CDH23: variants seen among roughly 807,000 people sequenced by gnomAD.
The protein encoded by CDH23 is cadherin-23.
Under a neutral mutation model 317.1 loss-of-function variants are expected in CDH23, and 189 were observed. The ratio of observed to expected loss-of-function variants is 0.60; its 90% CI spans 0.53 to 0.67. The LOEUF (loss-of-function observed/expected upper bound fraction) is 0.67, where lower values mean the gene tolerates loss of function less well. Among genes scored for constraint, CDH23 ranks in the 30% least tolerant of loss-of-function variants. The pLI is 0.00. For missense variants in CDH23, 4,401 were observed against 4,592.4 expected (o/e 0.96, Z 1.20); for synonymous variants, 1,839 against 1,876.8 (o/e 0.98, Z 0.52).
At chr10:71,580,550 A>T (rs1858550060) in intron 9 of CDH23, among the ~76,000 whole-genome samples, 1 of 152,246 alleles carries the variant, frequency 6.6e-6, no homozygotes, top group African/African-American at 2.4e-5. Context: ...CTGCCTGCAG[A>T]GGATCATGGA....
chr10:71,611,612 A>G (rs1045252134), intron 9 of CDH23, among the ~76,000 whole-genome samples: 4 of 152,136 alleles, frequency 2.6e-5, no homozygotes, highest in African/African-American at 9.7e-5. Flanking sequence ...CCCCCCTTTT[A>G]CAGACCAAGC....
chr10:71,803,815 CAA>C (rs59916449), intron 55 of CDH23, among the ~76,000 whole-genome samples: 17,540 of 71,176 alleles, frequency 0.25, 1,389 homozygotes, highest in African/African-American at 0.33. Context: ...ACTAAAAATG[CAA>C]AAAAAAAAAA....
chr10:71,587,924 G>T (rs771458976), intron 9 of CDH23, among the ~76,000 whole-genome samples: 1 of 152,220 alleles, frequency 6.6e-6, no homozygotes, highest in African/African-American at 2.4e-5. Flanking sequence ...AGCATAAGGC[G>T]CTGTCTTAGG....
chr10:71,426,511 G>C (rs1849085508), intron 1 of CDH23, among the ~76,000 whole-genome samples: 1 of 152,204 alleles, frequency 6.6e-6, no homozygotes, highest in South Asian at 2.1e-4. Context: ...GGCAGGAGGG[G>C]GCTAGGTGAG....
chr10:71,497,247 A>G (rs1853026223), intron 3 of CDH23, among the ~76,000 whole-genome samples: 1 of 152,202 alleles, frequency 6.6e-6, no homozygotes, highest in South Asian at 2.1e-4. Context: ...GTCATTTTTC[A>G]ACATTTCCTT....
chr10:71,407,290 C>T (rs1242460071), intron 1 of CDH23, among the ~76,000 whole-genome samples: 1 of 152,190 alleles, frequency 6.6e-6, no homozygotes, highest in East Asian at 1.9e-4. Flanking sequence ...CTGGGACACC[C>T]CCTTTCTATC....
At chr10:71,762,497 G>T (rs1840421248) in intron 38 of CDH23, among the ~76,000 whole-genome samples, 1 of 152,268 alleles carries the variant, frequency 6.6e-6, no homozygotes, top group African/African-American at 2.4e-5. Context: ...GCACCTGCGT[G>T]TGCAAGGCCT....
intron 8 of CDH23, among the ~76,000 whole-genome samples, chr10:71,576,986 G>A (rs1382439059): frequency 1.3e-5 from 2 of 152,136 alleles, no homozygotes; most frequent in Admixed American, 6.5e-5. Context: ...TCTGCCCAGA[G>A]CACCTTCCTC....
intron 6 of CDH23, among the ~76,000 whole-genome samples, chr10:71,541,047 G>A (rs1855961107): frequency 1.3e-5 from 2 of 151,980 alleles, no homozygotes; most frequent in Admixed American, 6.6e-5. Context: ...CAAGCCCAGC[G>A]TCCCTTGCAC....
At chr10:71,525,371 T>A (rs73285658) in intron 6 of CDH23, among the ~76,000 whole-genome samples, 1 of 152,198 alleles carries the variant, frequency 6.6e-6, no homozygotes, top group Non-Finnish European at 1.5e-5. Flanking sequence ...GTGGGACATG[T>A]GTTCTAAAGT....
Position 71,793,423 on chromosome 10 carries a change from T to A in CDH23, c.6495T>A (p.Asp2165Glu). The change falls in exon 48 of 70, where the codon GAT (aspartate) becomes GAA (glutamate). Residue 2165 changes from aspartate to glutamate, a missense_variant. Coordinates refer to ENST00000224721, the MANE Select transcript of CDH23 (RefSeq NM_022124.6). ...CAGCCATTGTCACCATTCTGATCGA[T>A]GACATCAATGACTCCCGCCCCGAGT... ...SGTAIVTILI[D>E]DINDSRPEFL... 1 of 1,613,944 alleles carries A rather than the reference T, an allele frequency of 6.2e-7. No individual in the cohort carries two copies. Among genetic ancestry groups the A allele is most frequent in the African/African-American group, 1.3e-5 (1 of 75,018 alleles).
At chr10:71,810,213 A>T in intron 61 of CDH23, 137 bp downstream of exon 61, 1 of 1,099,320 alleles carries the variant, frequency 9.1e-7, no homozygotes, top group Non-Finnish European at 1.3e-6. Context: ...ATTTCCTATC[A>T]GTGCAGCTTT....
rs376392673 is a variant in CDH23 at position 71,732,289 on chromosome 10, A to G, written c.4018A>G (p.Ile1340Val). Residue 1340 changes from isoleucine (I) to valine (V), a missense_variant, in exon 32 of 70, where the codon ATC (isoleucine) becomes GTC (valine). By Grantham distance (29) the Ile-to-Val change is conservative. Coordinates refer to ENST00000224721, the MANE Select transcript of CDH23 (RefSeq NM_022124.6). The part of the protein sequence containing the change: ...TEIVRVQAYS[I>V]DNLNQITYRF... ...GATTGTGCGGGTCCAGGCCTACTCC[A>G]TCGACAACCTCAACCAAATCACGTA... The G allele has an allele frequency of 3.7e-6, 6 of 1,612,752 alleles. No individual in the cohort carries two copies. Among genetic ancestry groups the G allele is most frequent in the Non-Finnish European group, 4.2e-6 (5 of 1,179,394 alleles).
rs55659529 is a variant in CDH23 at position 71,533,525 on chromosome 10, C to CCACACACACACACA, written c.429+22345_429+22358dup. On this transcript the variant is annotated intron_variant, in intron 6 of 69. Transcript: ENST00000224721. ...ATTGTGACCCTAGGCTGGCTGGACA[C>CCACACACACACACA]CACACACACACACACACACACACAC... 3.8e-3 allele frequency among the ~76,000 whole-genome samples: 497 copies of CCACACACACACACA among 130,804 alleles called. 5 individuals carry two copies. Among genetic ancestry groups the CCACACACACACACA allele is most frequent in the African/African-American group, 6.7e-3 (226 of 33,556 alleles). 85.8% of individuals were successfully genotyped at this position (130,804 alleles called of 152,430 possible).
chr10:71,500,820 TCTTTCCTTTCC>T (rs1246291011), intron 3 of CDH23, among the ~76,000 whole-genome samples: 6 of 124,386 alleles, frequency 4.8e-5, no homozygotes, highest in South Asian at 2.6e-4. Flanking sequence ...TTTTCTTTTC[TCTTTCCTTTCC>T]TTTCTTTTCT....
At chr10:71,608,003 G>A (rs1860631513) in intron 9 of CDH23, among the ~76,000 whole-genome samples, 2 of 152,340 alleles carry the variant, frequency 1.3e-5, no homozygotes, top group South Asian at 2.1e-4. Flanking sequence ...AGTGCCTTAC[G>A]TACATGATCA....
intron 11 of CDH23, chr10:71,623,040 C>T (rs1371002712): frequency 3.3e-5 from 25 of 753,652 alleles, no homozygotes; most frequent in Non-Finnish European, 4.0e-5. Context: ...AACTATGTGC[C>T]TGCCACTGTG....
intron 3 of CDH23, among the ~76,000 whole-genome samples, chr10:71,448,814 G>A (rs2132029794): frequency 6.6e-6 from 1 of 152,258 alleles, no homozygotes; most frequent in East Asian, 1.9e-4. Flanking sequence ...CTTGTCCCTG[G>A]GCCAAGCAGA....
intron 6 of CDH23, among the ~76,000 whole-genome samples, chr10:71,544,643 G>A (rs568869743): frequency 2.0e-5 from 3 of 152,278 alleles, no homozygotes; most frequent in South Asian, 2.1e-4. Context: ...CCACAGGCAC[G>A]TTGCCCTGGG....
Sources: allele counts gnomAD v4.1 joint callset (sites outside exome capture counted in the v4.1 genomes callset), GRCh38; gene constraint gnomAD v4.1.1; transcripts MANE v1.5; gene names NCBI Gene and HGNC (gene_info 2026-07-23, HGNC 2026-07-21).